The following FER variants were observed in gnomAD, a reference collection of about 807,000 sequenced individuals.
The protein encoded by FER is FER tyrosine kinase.
FER carries 63 observed loss-of-function variants against 111.0 expected under a neutral mutation model. That is an observed-to-expected ratio of 0.57 (90% confidence interval 0.46 to 0.70). The LOEUF is 0.70. Among genes scored for constraint, FER ranks in the 30% least tolerant of loss-of-function variants. FER has a pLI of 0.00. For synonymous variants in FER, 327 were observed against 313.9 expected (o/e 1.04, Z -0.44); for missense variants, 914 against 954.0 (o/e 0.96, Z 0.55).
At chr5:109,153,563 G>A (rs538692140) in intron 17 of FER, among the ~76,000 whole-genome samples, 75 of 151,814 alleles carry the variant, frequency 4.9e-4, no homozygotes, top group Non-Finnish European at 9.3e-4. Flanking sequence ...GGAAGAGTGA[G>A]CACCAGAATC....
At chr5:109,157,196 T>A (rs1037348387) in intron 17 of FER, among the ~76,000 whole-genome samples, 2 of 152,110 alleles carry the variant, frequency 1.3e-5, no homozygotes, top group Admixed American at 6.6e-5. Flanking sequence ...TCTCAATCAA[T>A]CAAAAATATA....
At chr5:109,134,203 G>GA (rs1352095453) in intron 17 of FER, among the ~76,000 whole-genome samples, 1 of 151,964 alleles carries the variant, frequency 6.6e-6, no homozygotes, top group Non-Finnish European at 1.5e-5. Context: ...ATAAAAGCTC[G>GA]AATACCCAAA....
chr5:109,001,663 G>A (rs1291078255), intron 13 of FER, among the ~76,000 whole-genome samples: 3 of 152,130 alleles, frequency 2.0e-5, no homozygotes, highest in Non-Finnish European at 4.4e-5. Flanking sequence ...GAAATAAAGG[G>A]CATTCAATTA....
intron 13 of FER, among the ~76,000 whole-genome samples, chr5:108,994,725 A>G (rs1269823756): frequency 2.0e-5 from 3 of 152,130 alleles, no homozygotes; most frequent in Non-Finnish European, 2.9e-5. Flanking sequence ...TATGATACTG[A>G]TTATTCCTAT....
intron 1 of FER, among the ~76,000 whole-genome samples, chr5:108,762,576 A>G (rs1009275812): frequency 8.5e-5 from 13 of 152,182 alleles, no homozygotes; most frequent in African/African-American, 2.9e-4. Context: ...ATAAAAGCTC[A>G]AGTCCTTAAA....
chr5:109,000,342 A>G (rs1188345618), intron 13 of FER, among the ~76,000 whole-genome samples: 1 of 151,998 alleles, frequency 6.6e-6, no homozygotes, highest in East Asian at 1.9e-4. Flanking sequence ...AGAAAAACAA[A>G]CTCTCTAGTA....
intron 17 of FER, among the ~76,000 whole-genome samples, chr5:109,143,537 C>T (rs1458144092): frequency 1.3e-5 from 2 of 151,884 alleles, no homozygotes; most frequent in African/African-American, 4.8e-5. Flanking sequence ...TTTCAGACAT[C>T]ACTTCCTCAG....
At chr5:108,846,752 T>C (rs1762071763) in intron 5 of FER, among the ~76,000 whole-genome samples, 1 of 151,968 alleles carries the variant, frequency 6.6e-6, no homozygotes, top group Non-Finnish European at 1.5e-5. Context: ...CCGGCTAATT[T>C]TTTTGTATTT....
intron 3 of FER, among the ~76,000 whole-genome samples, chr5:108,815,901 A>G (rs1580696155): frequency 6.6e-6 from 1 of 152,206 alleles, no homozygotes; most frequent in Non-Finnish European, 1.5e-5. Context: ...CTATAGAGCC[A>G]CTTCTGCTAT....
intron 16 of FER, among the ~76,000 whole-genome samples, chr5:109,048,976 T>C (rs1438783881): frequency 6.6e-6 from 1 of 152,206 alleles, no homozygotes; most frequent in Non-Finnish European, 1.5e-5. Flanking sequence ...CAACTTTATT[T>C]GTGGATAGTT....
At chr5:108,829,111 T>G (rs946602085) in intron 3 of FER, among the ~76,000 whole-genome samples, 31 of 152,242 alleles carry the variant, frequency 2.0e-4, no homozygotes, top group African/African-American at 7.5e-4. Flanking sequence ...GTTAAGCACC[T>G]ATTAACATTT....
intron 18 of FER, among the ~76,000 whole-genome samples, chr5:109,185,439 A>G (rs186155522): frequency 1.1e-3 from 174 of 151,550 alleles, no homozygotes; most frequent in African/African-American, 4.0e-3. Context: ...AAACTTTCCT[A>G]ATTGCTTTAA....
At chr5:108,785,490 A>G (rs560006830) in intron 2 of FER, 103 of 569,868 alleles carry the variant, frequency 1.8e-4, no homozygotes, top group Admixed American at 1.1e-3. Context: ...GTTGGTGGTC[A>G]TTTGTTTGCT....
chr5:108,837,600 T>A (rs960984508), intron 5 of FER, among the ~76,000 whole-genome samples: 4 of 152,178 alleles, frequency 2.6e-5, no homozygotes, highest in African/African-American at 4.8e-5. Flanking sequence ...TTTGTATATG[T>A]TGGAGAATTA....
At position 108,987,074 on chromosome 5, in the gene FER, A is replaced by G. The variant is rs531498153; in HGVS notation, c.1656+27727A>G. 2.0e-5 allele frequency among the ~76,000 whole-genome samples: 3 copies of G among 152,280 alleles called. No individual in the cohort carries two copies. The South Asian group carries it at 6.2e-4, about 32-fold the overall frequency. ...TCATAATATTGATTCTACCCCATCC[A>G]TAAGCTTGAGATGTGTTTCCATTTG... is the stretch of plus-strand genomic sequence containing the variant. On this transcript the variant is annotated intron_variant, in intron 13 of 19. Coordinates refer to ENST00000281092, the MANE Select transcript of FER (RefSeq NM_005246.4).
intron 5 of FER, among the ~76,000 whole-genome samples, chr5:108,855,835 G>C (rs10065611): frequency 0.22 from 33,093 of 151,958 alleles, 3,772 homozygotes; most frequent in African/African-American, 0.27. Context: ...AATGGGCTGG[G>C]TTTAAGAAAG....
chr5:108,777,844 G>T (rs528492871), intron 2 of FER, among the ~76,000 whole-genome samples: 1 of 152,218 alleles, frequency 6.6e-6, no homozygotes, highest in East Asian at 1.9e-4. Context: ...AAAACCATCA[G>T]ATCTCGTGAG....
intron 5 of FER, among the ~76,000 whole-genome samples, chr5:108,858,307 A>G (rs531186206): frequency 1.3e-5 from 2 of 152,350 alleles, no homozygotes; most frequent in African/African-American, 4.8e-5. Context: ...GAATACACAG[A>G]AAGTAATTTC....
chr5:109,038,492 C>T (rs1770704496), intron 14 of FER, among the ~76,000 whole-genome samples: 1 of 151,884 alleles, frequency 6.6e-6, no homozygotes, highest in Admixed American at 6.6e-5. Flanking sequence ...GTTGAAATAA[C>T]ATAGTTTGCA....
Sources: gnomAD v4.1 joint callset for allele counts (sites outside exome capture counted in the v4.1 genomes callset) on GRCh38, gnomAD v4.1.1 for gene constraint, MANE v1.5 for transcripts, NCBI Gene and HGNC (gene_info 2026-07-23, HGNC 2026-07-21) for gene names.